TBC1D22A: variants seen among roughly 807,000 people sequenced by gnomAD.
TBC1D22A encodes putative GTPase activator.
In TBC1D22A, 38 loss-of-function variants were observed where a neutral mutation model predicts 60.2. That is an observed-to-expected ratio of 0.63 (90% CI 0.49 to 0.83). The LOEUF is 0.83. TBC1D22A is among the 40% of genes least tolerant of loss of function. TBC1D22A has a pLI of 0.00. For missense variants in TBC1D22A, 628 were observed against 701.0 expected, an observed-to-expected ratio of 0.90 and a Z score of 1.18; for synonymous variants, 302 against 281.7, an observed-to-expected ratio of 1.07 and a Z score of -0.72.
chr22:46,912,900 G>A (rs929212012), intron 8 of TBC1D22A, among the ~76,000 whole-genome samples: 2 of 152,182 alleles, frequency 1.3e-5, no homozygotes, highest in African/African-American at 4.8e-5. Context: ...TAGAGTGTCA[G>A]TCACATATTT....
chr22:46,864,583 AAACGAT>A (rs2066963564), intron 4 of TBC1D22A, among the ~76,000 whole-genome samples: 1 of 152,256 alleles, frequency 6.6e-6, no homozygotes, highest in African/African-American at 2.4e-5. Flanking sequence ...TTCAGTAGAT[AAACGAT>A]AACAATCATC....
chr22:47,146,840 G>A (rs373377765), intron 12 of TBC1D22A, among the ~76,000 whole-genome samples: 34 of 152,312 alleles, frequency 2.2e-4, no homozygotes, highest in African/African-American at 5.8e-4. Flanking sequence ...CTGCAGAGGC[G>A]GCTCTGACAC....
intron 1 of TBC1D22A, among the ~76,000 whole-genome samples, chr22:46,764,903 C>A (rs900649803): frequency 1.3e-5 from 2 of 152,126 alleles, no homozygotes; most frequent in South Asian, 2.1e-4. Context: ...GGGTTTTTGG[C>A]GTTTAAAACT....
chr22:47,018,167 G>T (rs894029995), intron 10 of TBC1D22A, among the ~76,000 whole-genome samples: 1 of 152,254 alleles, frequency 6.6e-6, no homozygotes, highest in Non-Finnish European at 1.5e-5. Flanking sequence ...CTTCCCCTGC[G>T]TCAGTGTGGC....
At chr22:47,124,085 C>G (rs902704791) in intron 12 of TBC1D22A, among the ~76,000 whole-genome samples, 1 of 152,132 alleles carries the variant, frequency 6.6e-6, no homozygotes, top group African/African-American at 2.4e-5. Flanking sequence ...TAGGCCTCCC[C>G]GAAGAGGGGT....
At position 46,991,538 on chromosome 22, in the gene TBC1D22A, T is replaced by G. The variant is rs185640043; in HGVS notation, c.1126-6096T>G. Among the ~76,000 whole-genome samples the G allele has an allele frequency of 2.0e-3, 307 of 152,304 alleles. 2 individuals carry two copies. The highest frequency in any genetic ancestry group is 2.7e-3 in the Non-Finnish European group (185 of 68,024). On this transcript the variant is annotated intron_variant, in intron 9 of 12. Transcript: ENST00000337137. ...GAGCAGTCAGCTCAGCAGAAGGCAG[T>G]GTGGACAGTTGGGGTTCACTTTGTC... is the stretch of plus-strand genomic sequence containing the variant.
intron 8 of TBC1D22A, among the ~76,000 whole-genome samples, chr22:46,961,133 G>T (rs926097343): frequency 2.0e-5 from 3 of 151,962 alleles, no homozygotes; most frequent in African/African-American, 7.3e-5. Context: ...ATTAGTGTCA[G>T]TCAATTTACT....
chr22:47,114,023 A>G (rs2065941510), intron 12 of TBC1D22A, among the ~76,000 whole-genome samples: 1 of 152,192 alleles, frequency 6.6e-6, no homozygotes, highest in Non-Finnish European at 1.5e-5. Context: ...TGACAGATGC[A>G]AGTGACAAGG....
chr22:46,792,379 A>C, intron 1 of TBC1D22A, 141 bp from the exon 2 acceptor site: 1 of 1,125,664 alleles, frequency 8.9e-7, no homozygotes, highest in Non-Finnish European at 1.3e-6. Flanking sequence ...GGGTGGCTGC[A>C]GGGGGGCCTG....
chr22:47,138,358 G>A (rs1435717802), intron 12 of TBC1D22A, among the ~76,000 whole-genome samples: 2 of 152,066 alleles, frequency 1.3e-5, no homozygotes, highest in Non-Finnish European at 2.9e-5. Flanking sequence ...GCAGGCTGGG[G>A]AGGAGCGAGC....
At chr22:46,766,664 T>C (rs2083297207) in intron 1 of TBC1D22A, among the ~76,000 whole-genome samples, 1 of 152,130 alleles carries the variant, frequency 6.6e-6, no homozygotes, top group Non-Finnish European at 1.5e-5. Flanking sequence ...GCTGCCAAAG[T>C]AACTGGGATT....
At chr22:46,884,012 A>G (rs1181167140) in intron 5 of TBC1D22A, among the ~76,000 whole-genome samples, 1 of 152,158 alleles carries the variant, frequency 6.6e-6, no homozygotes, top group African/African-American at 2.4e-5. Flanking sequence ...GCACGTCGTG[A>G]TCACTCTTGC....
intron 10 of TBC1D22A, among the ~76,000 whole-genome samples, chr22:47,019,235 C>T (rs563458324): frequency 7.0e-4 from 107 of 152,354 alleles, no homozygotes; most frequent in Middle Eastern, 6.8e-3. Flanking sequence ...CCAGCACCTG[C>T]TCGTGCCTCC....
At chr22:46,992,178 T>C (rs1258346477) in intron 9 of TBC1D22A, among the ~76,000 whole-genome samples, 1 of 152,196 alleles carries the variant, frequency 6.6e-6, no homozygotes, top group African/African-American at 2.4e-5. Flanking sequence ...TTCTTCACAG[T>C]GCAAGGATGC....
chr22:47,062,665 C>A (rs959181538), intron 11 of TBC1D22A, among the ~76,000 whole-genome samples: 2 of 152,164 alleles, frequency 1.3e-5, no homozygotes, highest in Non-Finnish European at 2.9e-5. Context: ...CGAGGCAAAT[C>A]CCTGGTCGAC....
intron 10 of TBC1D22A, among the ~76,000 whole-genome samples, chr22:47,036,613 A>T (rs921532889): frequency 4.6e-5 from 7 of 152,196 alleles, no homozygotes; most frequent in South Asian, 2.1e-4. Context: ...GGTTGGGTCC[A>T]GGCATAGGTG....
intron 8 of TBC1D22A, among the ~76,000 whole-genome samples, chr22:46,958,437 G>T (rs981714381): frequency 1.5e-4 from 23 of 152,146 alleles, no homozygotes; most frequent in Admixed American, 3.9e-4. Context: ...GATGGGACAG[G>T]GGGCTCGGCA....
At chr22:46,800,008 GT>G (rs2084826139) in intron 4 of TBC1D22A, among the ~76,000 whole-genome samples, 1 of 152,092 alleles carries the variant, frequency 6.6e-6, no homozygotes, top group Non-Finnish European at 1.5e-5. Context: ...GTATTTCTTT[GT>G]CCCCTTGCAC....
At chr22:47,132,466 C>T (rs1004273698) in intron 12 of TBC1D22A, among the ~76,000 whole-genome samples, 5 of 152,222 alleles carry the variant, frequency 3.3e-5, no homozygotes, top group Non-Finnish European at 7.3e-5. Context: ...TGGGCACATG[C>T]CCGCTGCTAC....
Sources: gnomAD v4.1 joint callset for allele counts (sites outside exome capture counted in the v4.1 genomes callset) on GRCh38, gnomAD v4.1.1 for gene constraint, MANE v1.5 for transcripts, NCBI Gene and HGNC (gene_info 2026-07-23, HGNC 2026-07-21) for gene names.